SLC35F1: variants seen among roughly 807,000 people sequenced by gnomAD.
SLC35F1 encodes solute carrier family 35 member F1.
A neutral mutation model predicts 48.7 loss-of-function variants in SLC35F1; 14 were observed. The observed-to-expected ratio is 0.29, with a 90% CI of 0.19 to 0.45. The LOEUF (loss-of-function observed/expected upper bound fraction) is 0.45. Ranked by LOEUF, SLC35F1 falls within the 20% of genes least tolerant of loss-of-function variation. SLC35F1 has a pLI of 1.00. For synonymous variants in SLC35F1, 190 were observed against 202.2 expected (o/e 0.94, Z 0.51); for missense variants, 404 against 500.0 (o/e 0.81, Z 1.83).
chr6:117,920,446 T>C (rs371191507), intron 1 of SLC35F1, among the ~76,000 whole-genome samples: 144 of 152,324 alleles, frequency 9.5e-4, no homozygotes, highest in African/African-American at 3.4e-3. Flanking sequence ...TAATCTGTCC[T>C]TGGAACTAGT....
chr6:117,957,283 A>G (rs1247044569), intron 1 of SLC35F1, among the ~76,000 whole-genome samples: 1 of 152,102 alleles, frequency 6.6e-6, no homozygotes, highest in East Asian at 1.9e-4. Context: ...TACCTTTGTC[A>G]TTTTCAGTTT....
intron 1 of SLC35F1, among the ~76,000 whole-genome samples, chr6:118,116,737 G>T (rs1773481054): frequency 6.6e-6 from 1 of 151,972 alleles, no homozygotes; most frequent in South Asian, 2.1e-4. Flanking sequence ...TCTCAAACTT[G>T]CTCAAACAAG....
intron 3 of SLC35F1, among the ~76,000 whole-genome samples, chr6:118,245,684 A>G (rs1775498649): frequency 6.6e-6 from 1 of 152,186 alleles, no homozygotes; most frequent in South Asian, 2.1e-4. Flanking sequence ...ACCCCTTCTC[A>G]GGCAGGATAC....
chr6:118,013,914 C>T (rs1198482906), intron 1 of SLC35F1, among the ~76,000 whole-genome samples: 1 of 152,124 alleles, frequency 6.6e-6, no homozygotes, highest in Admixed American at 6.6e-5. Context: ...TAATTAGGCA[C>T]TTACAATACA....
intron 2 of SLC35F1, among the ~76,000 whole-genome samples, chr6:118,231,599 T>A (rs796692917): frequency 5.3e-5 from 8 of 152,374 alleles, no homozygotes; most frequent in African/African-American, 1.7e-4. Context: ...AAGCATGTTG[T>A]CTATTTTCAG....
At chr6:118,241,578 C>CATGT (rs553239897) in intron 3 of SLC35F1, among the ~76,000 whole-genome samples, 7 of 147,278 alleles carry the variant, frequency 4.8e-5, no homozygotes, top group African/African-American at 1.8e-4. Flanking sequence ...TTTTTACCTT[C>CATGT]GTGTGTGTGT....
At chr6:117,938,995 T>C (rs895072563) in intron 1 of SLC35F1, among the ~76,000 whole-genome samples, 3 of 147,566 alleles carry the variant, frequency 2.0e-5, no homozygotes, top group African/African-American at 7.3e-5. Flanking sequence ...CTGTATGTGC[T>C]TGAATTCTTG....
rs556176835 is a variant in SLC35F1 at position 118,093,381 on chromosome 6, G to C, written c.174-61064G>C. 2.6e-4 allele frequency among the ~76,000 whole-genome samples: 39 copies of C among 152,260 alleles called. 2 individuals are homozygous for C. In the South Asian group the frequency reaches 7.7e-3, roughly 30 times the overall value. ...TGGGTCAGAAGTAGAATATGGTTTGGCTGTGTCCCCATCCAAATCTCACCT... is the reference window on the plus strand; with the variant it reads ...TGGGTCAGAAGTAGAATATGGTTTGCCTGTGTCCCCATCCAAATCTCACCT... On this transcript the variant is annotated intron_variant, in intron 1 of 7. Coordinates refer to ENST00000360388, the MANE Select transcript of SLC35F1 (RefSeq NM_001029858.4).
At chr6:117,997,847 T>C (rs1463557314) in intron 1 of SLC35F1, among the ~76,000 whole-genome samples, 1 of 152,158 alleles carries the variant, frequency 6.6e-6, no homozygotes, top group Non-Finnish European at 1.5e-5. Flanking sequence ...CCATCAAGGC[T>C]AGGAAGAAAC....
intron 1 of SLC35F1, among the ~76,000 whole-genome samples, chr6:118,085,080 G>A (rs1264385344): frequency 7.1e-6 from 1 of 139,952 alleles, no homozygotes; most frequent in African/African-American, 2.6e-5. Context: ...CAAGCAGTTA[G>A]AACGGGATAG....
At chr6:118,048,602 TC>T (rs1345518278) in intron 1 of SLC35F1, among the ~76,000 whole-genome samples, 1 of 152,102 alleles carries the variant, frequency 6.6e-6, no homozygotes, top group Non-Finnish European at 1.5e-5. Context: ...ATGAGTGAAC[TC>T]CCATTCACAA....
At chr6:118,173,957 A>G (rs1774449160) in intron 2 of SLC35F1, among the ~76,000 whole-genome samples, 1 of 152,202 alleles carries the variant, frequency 6.6e-6, no homozygotes, top group Non-Finnish European at 1.5e-5. Context: ...ATGCCTGAAG[A>G]AGAGTAAGTA....
chr6:117,911,910 A>G (rs758388756), intron 1 of SLC35F1, among the ~76,000 whole-genome samples: 1 of 152,216 alleles, frequency 6.6e-6, no homozygotes, highest in South Asian at 2.1e-4. Context: ...TGACCTACAT[A>G]TTAAAGTGCC....
chr6:118,031,430 C>G (rs528739584), intron 1 of SLC35F1, among the ~76,000 whole-genome samples: 2 of 152,210 alleles, frequency 1.3e-5, no homozygotes, highest in East Asian at 3.9e-4. Context: ...TCACATGGAC[C>G]TGCTGGAAGT....
intron 1 of SLC35F1, among the ~76,000 whole-genome samples, chr6:118,095,594 C>T (rs1773142355): frequency 6.6e-6 from 1 of 152,106 alleles, no homozygotes; most frequent in African/African-American, 2.4e-5. Context: ...ATTAGGTACT[C>T]ATTACCTAAT....
chr6:118,000,684 G>C (rs1777078627), intron 1 of SLC35F1, among the ~76,000 whole-genome samples: 1 of 152,184 alleles, frequency 6.6e-6, no homozygotes, highest in Non-Finnish European at 1.5e-5. Context: ...TGACATGATA[G>C]TATATCTAGA....
intron 1 of SLC35F1, among the ~76,000 whole-genome samples, chr6:118,044,930 A>G (rs1582635922): frequency 6.6e-6 from 1 of 152,276 alleles, no homozygotes; most frequent in East Asian, 1.9e-4. Context: ...AAACAATAGG[A>G]GAAAGGAAGT....
chr6:118,049,277 G>A (rs1390097515), intron 1 of SLC35F1, among the ~76,000 whole-genome samples: 1 of 152,062 alleles, frequency 6.6e-6, no homozygotes, highest in African/African-American at 2.4e-5. Context: ...GAAAACCTAG[G>A]CAACACCATT....
chr6:117,969,850 T>A (rs1776617231), intron 1 of SLC35F1, among the ~76,000 whole-genome samples: 1 of 152,182 alleles, frequency 6.6e-6, no homozygotes, highest in African/African-American at 2.4e-5. Context: ...TTCCTGATCA[T>A]CCCTTTAGGA....
Sources: allele counts gnomAD v4.1 joint callset (sites outside exome capture counted in the v4.1 genomes callset), GRCh38; gene constraint gnomAD v4.1.1; transcripts MANE v1.5; gene names NCBI Gene and HGNC (gene_info 2026-07-23, HGNC 2026-07-21).